CNTNAP2: variants seen among roughly 807,000 people sequenced by gnomAD.
The protein encoded by CNTNAP2 is contactin-associated protein-like 2.
A neutral mutation model predicts 155.2 loss-of-function variants in CNTNAP2; 98 were observed. That is an observed-to-expected ratio of 0.63 (90% CI 0.54 to 0.75). The LOEUF (loss-of-function observed/expected upper bound fraction) is 0.75, where lower values mean the gene tolerates loss of function less well. Ranked by LOEUF, CNTNAP2 falls within the 30% of genes least tolerant of loss-of-function variation. The pLI, the probability that CNTNAP2 is intolerant of heterozygous loss-of-function variation, is 0.00. For synonymous variants in CNTNAP2, 651 were observed against 631.2 expected (o/e 1.03, Z -0.47); for missense variants, 1,727 against 1,688.1 (o/e 1.02, Z -0.40).
At chr7:147,049,756 G>A (rs1799438326) in intron 4 of CNTNAP2, among the ~76,000 whole-genome samples, 1 of 152,132 alleles carries the variant, frequency 6.6e-6, no homozygotes, top group Admixed American at 6.6e-5. Context: ...TGCAAAGTTT[G>A]CCAGAAAACT....
Position 146,306,497 on chromosome 7 carries a change from A to G in CNTNAP2, c.97+189524A>G, listed in dbSNP as rs77882412. Among the ~76,000 whole-genome samples, 132 of 152,312 alleles carry G rather than the reference A, an allele frequency of 8.7e-4. No individual in the cohort carries two copies. In the East Asian group the frequency reaches 0.016, roughly 19 times the overall value. ...ATGAACATTGATGCAAAAATCCTCA[A>G]TAAAATACTGGCAAACTCAATCCAG... On this transcript the variant is annotated intron_variant, in intron 1 of 23. Coordinates refer to ENST00000361727, the MANE Select transcript of CNTNAP2 (RefSeq NM_014141.6).
chr7:147,818,681 A>G (rs1414585351), intron 13 of CNTNAP2, among the ~76,000 whole-genome samples: 2 of 152,098 alleles, frequency 1.3e-5, no homozygotes, highest in Non-Finnish European at 2.9e-5. Flanking sequence ...TTTTTCCTCA[A>G]AAATTTAACA....
At chr7:147,582,911 A>G (rs879521601) in intron 12 of CNTNAP2, among the ~76,000 whole-genome samples, 5 of 152,142 alleles carry the variant, frequency 3.3e-5, no homozygotes, top group Non-Finnish European at 7.4e-5. Context: ...CCCAGAGCCT[A>G]TTTAATCATT....
chr7:147,604,247 TCTG>T (rs1310642759), intron 12 of CNTNAP2, among the ~76,000 whole-genome samples: 1 of 151,426 alleles, frequency 6.6e-6, no homozygotes, highest in African/African-American at 2.4e-5. Context: ...CTAAAGAGCT[TCTG>T]CACAGCAAAA....
At chr7:146,707,085 T>C (rs969649867) in intron 1 of CNTNAP2, among the ~76,000 whole-genome samples, 3 of 152,162 alleles carry the variant, frequency 2.0e-5, no homozygotes, top group African/African-American at 4.8e-5. Flanking sequence ...ATTCACAACA[T>C]TCAATCATTA....
chr7:146,854,394 C>T (rs992088898), intron 3 of CNTNAP2, among the ~76,000 whole-genome samples: 5 of 152,162 alleles, frequency 3.3e-5, no homozygotes, highest in African/African-American at 1.2e-4. Flanking sequence ...TATTAAAATT[C>T]AGTGACAAGT....
intron 8 of CNTNAP2, among the ~76,000 whole-genome samples, chr7:147,235,697 C>A (rs1168728883): frequency 6.6e-6 from 1 of 152,192 alleles, no homozygotes; most frequent in Non-Finnish European, 1.5e-5. Context: ...CCCCTTCCAG[C>A]AGGTGTCTGT....
intron 1 of CNTNAP2, among the ~76,000 whole-genome samples, chr7:146,521,543 A>G (rs75495540): frequency 0.064 from 9,765 of 152,076 alleles, 767 homozygotes; most frequent in African/African-American, 0.19. Context: ...AAAAGTTACA[A>G]AAAGAAACTA....
intron 1 of CNTNAP2, among the ~76,000 whole-genome samples, chr7:146,549,240 G>A (rs1405172): frequency 0.03 from 4,587 of 151,894 alleles, 256 homozygotes; most frequent in African/African-American, 0.1. Flanking sequence ...GATAGCACAT[G>A]CCAGATTAAG....
chr7:148,328,976 G>GAAAAAAAAAAAAA (rs71188969), intron 21 of CNTNAP2, among the ~76,000 whole-genome samples: 3 of 69,254 alleles, frequency 4.3e-5, no homozygotes, highest in African/African-American at 1.6e-4. Flanking sequence ...ACTCTGTCTG[G>GAAAAAAAAAAAAA]AAAAAAAAAA....
chr7:147,640,153 AAT>A (rs1795249702), intron 13 of CNTNAP2, among the ~76,000 whole-genome samples: 1 of 151,336 alleles, frequency 6.6e-6, no homozygotes, highest in Non-Finnish European at 1.5e-5. Context: ...TTTCGTGTAC[AAT>A]ATGATATGAT....
intron 3 of CNTNAP2, among the ~76,000 whole-genome samples, chr7:146,911,234 G>T (rs367997714): frequency 9.9e-5 from 15 of 152,154 alleles, no homozygotes; most frequent in East Asian, 5.8e-4. Flanking sequence ...CAACCCTTGT[G>T]GAAGTCAGTG....
intron 1 of CNTNAP2, among the ~76,000 whole-genome samples, chr7:146,493,434 A>T (rs1050782294): frequency 2.0e-5 from 3 of 152,200 alleles, no homozygotes; most frequent in African/African-American, 7.2e-5. Flanking sequence ...ACAAAATTTG[A>T]TAGATTTTGA....
At chr7:146,666,072 A>G (rs990693172) in intron 1 of CNTNAP2, among the ~76,000 whole-genome samples, 1 of 152,182 alleles carries the variant, frequency 6.6e-6, no homozygotes, top group East Asian at 1.9e-4. Context: ...CTAAAGTGGT[A>G]TAGAACACTA....
At chr7:147,480,629 G>T (rs1453002508) in intron 10 of CNTNAP2, among the ~76,000 whole-genome samples, 1 of 152,154 alleles carries the variant, frequency 6.6e-6, no homozygotes, top group Admixed American at 6.5e-5. Flanking sequence ...TTAAAACATG[G>T]CAGGAGGACC....
intron 12 of CNTNAP2, among the ~76,000 whole-genome samples, chr7:147,602,027 A>G (rs1302156810): frequency 2.6e-5 from 4 of 152,142 alleles, no homozygotes; most frequent in Admixed American, 6.6e-5. Context: ...GTTTGTTAAT[A>G]ATATTTTATA....
intron 3 of CNTNAP2, among the ~76,000 whole-genome samples, chr7:146,873,667 A>T (rs1039975072): frequency 6.6e-6 from 1 of 152,010 alleles, no homozygotes; most frequent in Admixed American, 6.6e-5. Flanking sequence ...GGAGAATAGG[A>T]CATATGGCTT....
intron 1 of CNTNAP2, among the ~76,000 whole-genome samples, chr7:146,637,697 T>A (rs1026936267): frequency 6.6e-6 from 1 of 152,204 alleles, no homozygotes; most frequent in Non-Finnish European, 1.5e-5. Context: ...GTAATGTGCA[T>A]GTACAGAGTG....
intron 1 of CNTNAP2, among the ~76,000 whole-genome samples, chr7:146,334,430 CAA>C (rs1179295401): frequency 1.3e-4 from 12 of 93,990 alleles, no homozygotes; most frequent in Admixed American, 2.0e-4. Flanking sequence ...GACTCCGTCT[CAA>C]AAAAAAAAAA....
Sources: allele counts gnomAD v4.1 joint callset (sites outside exome capture counted in the v4.1 genomes callset), GRCh38; gene constraint gnomAD v4.1.1; transcripts MANE v1.5; gene names NCBI Gene and HGNC (gene_info 2026-07-23, HGNC 2026-07-21).